The following C10orf67 variants were observed in gnomAD, a reference collection of about 807,000 sequenced individuals.
C10orf67 encodes the protein chromosome 10 open reading frame 67.
C10orf67 carries 60 observed loss-of-function variants against 35.6 expected under a neutral mutation model. That is an observed-to-expected ratio of 1.68 (90% CI 1.37 to 2.09). C10orf67 has a LOEUF of 2.09. Ranked by LOEUF, C10orf67 falls within the 30% of genes most tolerant of loss-of-function variation. The pLI is 0.00. For synonymous variants in C10orf67, 167 were observed against 115.8 expected (o/e 1.44, Z -2.84); for missense variants, 474 against 330.2 (o/e 1.44, Z -3.38).
At chr10:23,268,081 A>C (rs909035963) in intron 8 of C10orf67, among the ~76,000 whole-genome samples, 1 of 152,120 alleles carries the variant, frequency 6.6e-6, no homozygotes, top group African/African-American at 2.4e-5. Flanking sequence ...TGAAGCCAGG[A>C]GTTCAAGACC....
chr10:23,270,271 C>G (rs1182739015), intron 8 of C10orf67, among the ~76,000 whole-genome samples: 2 of 152,164 alleles, frequency 1.3e-5, no homozygotes, highest in African/African-American at 4.8e-5. Context: ...AGAAGTGGCA[C>G]AGAGCCAAAG....
At chr10:23,227,212 A>G (rs954319357) in intron 13 of C10orf67, among the ~76,000 whole-genome samples, 2 of 152,260 alleles carry the variant, frequency 1.3e-5, no homozygotes, top group African/African-American at 2.4e-5. Context: ...AACCAAATCC[A>G]GCAGCACATC....
At chr10:23,302,236 A>G (rs1844104682) in intron 5 of C10orf67, among the ~76,000 whole-genome samples, 1 of 151,376 alleles carries the variant, frequency 6.6e-6, no homozygotes, top group African/African-American at 2.4e-5. Flanking sequence ...ATGATAACAT[A>G]ATCTATACAT....
intron 15 of C10orf67, among the ~76,000 whole-genome samples, chr10:23,222,731 G>A (rs141152274): frequency 2.0e-5 from 3 of 152,248 alleles, no homozygotes; most frequent in Admixed American, 2.0e-4. Flanking sequence ...AGATGCTTTA[G>A]AAATAATTTC....
At chr10:23,245,146 G>A (rs958016740) in intron 12 of C10orf67, among the ~76,000 whole-genome samples, 10 of 152,080 alleles carry the variant, frequency 6.6e-5, no homozygotes, top group African/African-American at 2.2e-4. Context: ...TGAAGAAAGA[G>A]GGTATCTACA....
At chr10:23,303,946 G>A (rs1056763277) in intron 4 of C10orf67, among the ~76,000 whole-genome samples, 1 of 152,162 alleles carries the variant, frequency 6.6e-6, no homozygotes, top group Non-Finnish European at 1.5e-5. Context: ...ACTGACCATG[G>A]TCCCAGCTAC....
chr10:23,330,074 T>C, intron 2 of C10orf67, among the ~76,000 whole-genome samples: 1 of 152,162 alleles, frequency 6.6e-6, no homozygotes, highest in Non-Finnish European at 1.5e-5. Flanking sequence ...CATACATGAT[T>C]TTTTTAAATG....
At position 23,323,944 on chromosome 10, in the gene C10orf67, T is replaced by C. The variant is rs1418280054; in HGVS notation, c.328-1407A>G. Among the ~76,000 whole-genome samples, 549 of 63,806 alleles carry C rather than the reference T, an allele frequency of 8.6e-3. 57 individuals carry two copies. Among genetic ancestry groups the C allele is most frequent in the African/African-American group, 0.017 (325 of 18,900 alleles). The allele number at this position is 63,806 out of a possible 152,430, so 41.9% of individuals were successfully genotyped here. A position where few individuals can be genotyped will look rare whatever the true frequency, so the allele number is the denominator to read the frequency against. ...ATATATATATATATATATATATATA[T>C]ATATATATACACACACACACACATA... On this transcript the variant is annotated intron_variant, in intron 2 of 15. Transcript: ENST00000636213.
At chr10:23,228,284 C>G (rs530580122) in intron 13 of C10orf67, among the ~76,000 whole-genome samples, 8 of 152,048 alleles carry the variant, frequency 5.3e-5, no homozygotes, top group African/African-American at 1.7e-4. Flanking sequence ...GAAATAATAC[C>G]ACACATCTAC....
intron 8 of C10orf67, among the ~76,000 whole-genome samples, chr10:23,273,139 TA>T (rs1258867740): frequency 2.0e-5 from 3 of 152,230 alleles, no homozygotes; most frequent in African/African-American, 4.8e-5. Flanking sequence ...TAAAAAGTTC[TA>T]CCTCTTCCTT....
chr10:23,289,765 A>T, intron 7 of C10orf67, 135 bp downstream of exon 7: 1 of 575,466 alleles, frequency 1.7e-6, no homozygotes, highest in African/African-American at 1.9e-5. Context: ...CCCTTCCCAA[A>T]TAGTGGGGAG....
chr10:23,221,283 A>T lies in C10orf67; in HGVS notation c.1570+2315T>A, dbSNP rs185131000. 2.6e-5 allele frequency among the ~76,000 whole-genome samples: 4 copies of T among 152,262 alleles called. No homozygotes were observed. The East Asian group carries it at 7.7e-4, about 29-fold the overall frequency. ...ACACACTTTTAAACCATCAGATCTC[A>T]TGAGAACTTACTAGCATGAGAAGAG... On this transcript the variant is annotated intron_variant, in intron 15 of 15. Transcript: ENST00000636213.
At chr10:23,304,701 C>G (rs934289680) in intron 4 of C10orf67, among the ~76,000 whole-genome samples, 1 of 152,116 alleles carries the variant, frequency 6.6e-6, no homozygotes, top group Non-Finnish European at 1.5e-5. Flanking sequence ...TCCATGGCCA[C>G]TTCTCCTTGC....
At chr10:23,304,761 G>T (rs1564500049) in intron 4 of C10orf67, among the ~76,000 whole-genome samples, 1 of 152,098 alleles carries the variant, frequency 6.6e-6, no homozygotes, top group Non-Finnish European at 1.5e-5. Context: ...GGACCTGAAG[G>T]AATACACACT....
intron 8 of C10orf67, among the ~76,000 whole-genome samples, chr10:23,278,099 G>T (rs145064441): frequency 7.1e-4 from 108 of 152,324 alleles, no homozygotes; most frequent in African/African-American, 2.6e-3. Context: ...CTGCCCGCAT[G>T]ATACAATCAC....
intron 4 of C10orf67, among the ~76,000 whole-genome samples, chr10:23,308,285 G>A (rs942996987): frequency 1.3e-5 from 2 of 152,138 alleles, no homozygotes; most frequent in African/African-American, 4.8e-5. Context: ...TATTGTAAAA[G>A]CTTCTTAAAA....
chr10:23,322,785 G>A (rs768875123), intron 2 of C10orf67, among the ~76,000 whole-genome samples: 2 of 152,002 alleles, frequency 1.3e-5, no homozygotes, highest in African/African-American at 2.4e-5. Flanking sequence ...CCTGTGACAT[G>A]AGTTTACCTA....
intron 15 of C10orf67, among the ~76,000 whole-genome samples, chr10:23,208,614 G>A (rs957863499): frequency 2.6e-5 from 4 of 152,082 alleles, no homozygotes; most frequent in Non-Finnish European, 5.9e-5. Flanking sequence ...TCAGTGCCTC[G>A]CCTAGGCCTT....
At chr10:23,309,450 AT>A (rs1456225064) in intron 4 of C10orf67, among the ~76,000 whole-genome samples, 1 of 152,220 alleles carries the variant, frequency 6.6e-6, no homozygotes, top group African/African-American at 2.4e-5. Flanking sequence ...AATGTTCAAT[AT>A]TGGGGGATGG....
Sources: allele counts gnomAD v4.1 joint callset (sites outside exome capture counted in the v4.1 genomes callset), GRCh38; gene constraint gnomAD v4.1.1; transcripts MANE v1.5; gene names NCBI Gene and HGNC (gene_info 2026-07-23, HGNC 2026-07-21).